Variants in ADA2 observed in about 807,000 individuals in gnomAD.
ADA2 encodes the protein adenosine deaminase 2.
A neutral mutation model predicts 44.2 loss-of-function variants in ADA2; 29 were observed. The ratio of observed to expected loss-of-function variants is 0.66; its 90% CI spans 0.49 to 0.89. The LOEUF is 0.89. ADA2 is among the 40% of genes least tolerant of loss of function. The pLI, the probability that ADA2 is intolerant of heterozygous loss-of-function variation, is 0.00. For missense variants in ADA2, 637 were observed against 644.8 expected, an observed-to-expected ratio of 0.99 and a Z score of 0.13; for synonymous variants, 215 against 234.9, an observed-to-expected ratio of 0.92 and a Z score of 0.77.
At chr22:17,203,399 C>T (rs2062314121) in intron 4 of ADA2, among the ~76,000 whole-genome samples, 164 bp downstream of exon 4, 1 of 152,108 alleles carries the variant, frequency 6.6e-6, no homozygotes, top group African/African-American at 2.4e-5. Context: ...CTGCCCAGTC[C>T]ATTTCAGGTT....
chr22:17,187,601 C>A (rs5748934), intron 7 of ADA2, among the ~76,000 whole-genome samples: 2 of 149,614 alleles, frequency 1.3e-5, no homozygotes, highest in Non-Finnish European at 3.0e-5. Flanking sequence ...CAGCCTAAAA[C>A]GAATTTTTAT....
chr22:17,181,323 C>A lies in ADA2; in HGVS notation c.*160G>T. The A allele has an allele frequency of 1.5e-6, 1 of 651,598 alleles. No homozygotes were observed. The highest frequency in any genetic ancestry group is 2.2e-5 in the Admixed American group (1 of 44,764). 40.4% of individuals were successfully genotyped at this position (651,598 alleles called of 1,614,324 possible). A position where few individuals can be genotyped will look rare whatever the true frequency, so the allele number is the denominator to read the frequency against. On this transcript the variant is annotated 3_prime_UTR_variant, in exon 10 of 10. Transcript: ENST00000399837. Reference sequence around the variant, plus strand: ...TCACTGTGGCTGAGAGAGAATATTTCCAGAGGATGAATTTGCTCAGCCAGC... The same window carrying A: ...TCACTGTGGCTGAGAGAGAATATTTACAGAGGATGAATTTGCTCAGCCAGC...
At chr22:17,210,470 A>G (rs1226472332) in intron 1 of ADA2, among the ~76,000 whole-genome samples, 1 of 152,138 alleles carries the variant, frequency 6.6e-6, no homozygotes, top group African/African-American at 2.4e-5. Flanking sequence ...GATTACAGGC[A>G]TGAGTCACCG....
chr22:17,211,044 T>TA (rs922254570), intron 1 of ADA2, among the ~76,000 whole-genome samples: 1 of 150,504 alleles, frequency 6.6e-6, no homozygotes, highest in Non-Finnish European at 1.5e-5. Flanking sequence ...ACCTTGTCTC[T>TA]AAAAAAAATA....
intron 4 of ADA2, chr22:17,199,706 T>C: frequency 6.4e-7 from 1 of 1,556,924 alleles, no homozygotes; most frequent in Non-Finnish European, 8.7e-7. Flanking sequence ...GGAGCCCTGG[T>C]CTGGGTCCAG....
intron 1 of ADA2, among the ~76,000 whole-genome samples, chr22:17,212,016 T>C (rs1181505652): frequency 6.6e-6 from 1 of 151,992 alleles, no homozygotes; most frequent in African/African-American, 2.4e-5. Flanking sequence ...TTTTTTTCTT[T>C]TCTTTTCTTT....
chr22:17,217,391 C>T (rs1182593171), intron 1 of ADA2, among the ~76,000 whole-genome samples: 1 of 152,164 alleles, frequency 6.6e-6, no homozygotes, highest in Non-Finnish European at 1.5e-5. Flanking sequence ...AGAGCATTAG[C>T]ATTAGAAAGG....
upstream of ADA2, among the ~76,000 whole-genome samples, chr22:17,221,236 C>T (rs896535938): frequency 5.9e-5 from 9 of 151,886 alleles, no homozygotes; most frequent in African/African-American, 9.7e-5. Flanking sequence ...TTGATTCCAG[C>T]GCCGCACAAA....
At chr22:17,188,974 G>T (rs574557888) in intron 6 of ADA2, among the ~76,000 whole-genome samples, 106 of 148,412 alleles carry the variant, frequency 7.1e-4, no homozygotes, top group African/African-American at 2.6e-3. Flanking sequence ...CCCCCAAGGT[G>T]CTGGGATTAC....
At chr22:17,209,023 G>A (rs919340098) in intron 2 of ADA2, among the ~76,000 whole-genome samples, 2 of 151,876 alleles carry the variant, frequency 1.3e-5, no homozygotes, top group Non-Finnish European at 2.9e-5. Flanking sequence ...ATTATTTCAT[G>A]TTTCATGGAG....
chr22:17,213,544 TA>T (rs2062438949), intron 1 of ADA2: 20 of 300,866 alleles, frequency 6.6e-5, no homozygotes, highest in South Asian at 5.5e-4. Context: ...AAAGGACTTC[TA>T]AAGCTGAAAG....
chr22:17,196,497 T>G (rs2062192851), intron 4 of ADA2, among the ~76,000 whole-genome samples: 1 of 152,046 alleles, frequency 6.6e-6, no homozygotes, highest in Non-Finnish European at 1.5e-5. Context: ...AACCCACAAT[T>G]GTTACCTGCA....
rs188106050 is a variant in ADA2 at position 17,207,513 on chromosome 22, T to A, written c.323-223A>T. On this transcript the variant is annotated intron_variant, in intron 2 of 9. Transcript: ENST00000399837. ...GGACAGTGTGGATCACAAGAAGACGTGCAAGCAGAAGGATTTCTGTCCAGA... is the reference window on the plus strand; with the variant it reads ...GGACAGTGTGGATCACAAGAAGACGAGCAAGCAGAAGGATTTCTGTCCAGA... Among the ~76,000 whole-genome samples, 7 of 151,928 alleles carry A rather than the reference T, an allele frequency of 4.6e-5. No homozygotes were observed. In the East Asian group the frequency reaches 1.4e-3, roughly 30 times the overall value.
chr22:17,212,315 C>T (rs2062427689), intron 1 of ADA2, among the ~76,000 whole-genome samples: 1 of 152,110 alleles, frequency 6.6e-6, no homozygotes. Flanking sequence ...ACATGAGCCA[C>T]CGTGCCCAGC....
intron 4 of ADA2, chr22:17,199,446 T>TCCCTCCCCTCCACTAACCTCTTCCCCA: frequency 2.2e-6 from 2 of 917,626 alleles, no homozygotes; most frequent in Non-Finnish European, 3.5e-6. Flanking sequence ...CCTCTTCCCC[T>TCCCTCCCCTCCACTAACCTCTTCCCCA]CCACCCACGA....
intron 6 of ADA2, chr22:17,188,868 A>AAAAAAAAAAAAAAATATATATAAATATAT: frequency 1.2e-5 from 1 of 81,128 alleles, no homozygotes. Context: ...AAGAGCAAAA[A>AAAAAAAAAAAAAAATATATATAAATATAT]ATATATATAT....
At chr22:17,186,744 C>G (rs898723094) in intron 7 of ADA2, among the ~76,000 whole-genome samples, 3 of 151,742 alleles carry the variant, frequency 2.0e-5, no homozygotes, top group Non-Finnish European at 4.4e-5. Context: ...TGGTGCATGC[C>G]CGTAATCCCA....
chr22:17,213,167 A>G (rs923021040), intron 1 of ADA2, among the ~76,000 whole-genome samples: 14 of 152,180 alleles, frequency 9.2e-5, no homozygotes, highest in Non-Finnish European at 4.4e-5. Flanking sequence ...AAAAATGGCT[A>G]TTACTTAAAA....
chr22:17,201,807 A>G (rs1474111244), intron 4 of ADA2, among the ~76,000 whole-genome samples: 1 of 152,244 alleles, frequency 6.6e-6, no homozygotes, highest in Non-Finnish European at 1.5e-5. Flanking sequence ...AGTCCATCTC[A>G]GAGTACCTAA....
Sources: gnomAD v4.1 joint callset for allele counts (sites outside exome capture counted in the v4.1 genomes callset) on GRCh38, gnomAD v4.1.1 for gene constraint, MANE v1.5 for transcripts, NCBI Gene and HGNC (gene_info 2026-07-23, HGNC 2026-07-21) for gene names.